The following SUPT3H variants were observed in gnomAD, a reference collection of about 807,000 sequenced individuals.
The protein encoded by SUPT3H is SPT3 homolog, SAGA and STAGA complex component.
SUPT3H carries 44 observed loss-of-function variants against 44.3 expected under a neutral mutation model. That is an observed-to-expected ratio of 0.99 (90% CI 0.78 to 1.28). SUPT3H has a LOEUF of 1.28. Ranked by LOEUF, SUPT3H falls within the 50% of genes most tolerant of loss-of-function variation. The pLI, the probability that SUPT3H is intolerant of heterozygous loss-of-function variation, is 0.00. For missense variants in SUPT3H, 380 were observed against 387.1 expected, an observed-to-expected ratio of 0.98 and a Z score of 0.15; for synonymous variants, 124 against 125.6, an observed-to-expected ratio of 0.99 and a Z score of 0.09.
chr6:45,269,572 T>C (rs1775789988), intron 2 of SUPT3H, among the ~76,000 whole-genome samples: 3 of 152,206 alleles, frequency 2.0e-5, no homozygotes, highest in Admixed American at 2.0e-4. Flanking sequence ...GACATTTGAA[T>C]GGTTAGGAAA....
At chr6:45,193,335 A>G (rs1223912824) in intron 2 of SUPT3H, among the ~76,000 whole-genome samples, 1 of 152,210 alleles carries the variant, frequency 6.6e-6, no homozygotes, top group African/African-American at 2.4e-5. Flanking sequence ...TTTAAAATTT[A>G]GTTCCAAATT....
At chr6:45,156,495 T>C (rs1807834664) in intron 2 of SUPT3H, among the ~76,000 whole-genome samples, 1 of 151,960 alleles carries the variant, frequency 6.6e-6, no homozygotes, top group Non-Finnish European at 1.5e-5. Flanking sequence ...TTCAAAATGC[T>C]AGCTCCCTTT....
chr6:44,839,927 C>G (rs963205378), intron 10 of SUPT3H, among the ~76,000 whole-genome samples: 2 of 148,928 alleles, frequency 1.3e-5, no homozygotes, highest in East Asian at 2.5e-4. Flanking sequence ...GTCTCGATCT[C>G]CTGACCTCGT....
At chr6:44,947,649 A>T (rs1773572907) in intron 9 of SUPT3H, among the ~76,000 whole-genome samples, 1 of 152,204 alleles carries the variant, frequency 6.6e-6, no homozygotes, top group African/African-American at 2.4e-5. Context: ...AAGCTTAAAA[A>T]ATAACAGAGT....
intron 2 of SUPT3H, among the ~76,000 whole-genome samples, chr6:45,140,895 T>C (rs1397182534): frequency 2.6e-5 from 4 of 152,134 alleles, no homozygotes; most frequent in African/African-American, 9.7e-5. Flanking sequence ...GACAAAAGAA[T>C]GTGAACAGCA....
At chr6:44,986,375 C>T (rs1779796763) in intron 6 of SUPT3H, among the ~76,000 whole-genome samples, 1 of 152,106 alleles carries the variant, frequency 6.6e-6, no homozygotes, top group Non-Finnish European at 1.5e-5. Context: ...GAAAGGAATA[C>T]ATCAGATAAT....
intron 2 of SUPT3H, among the ~76,000 whole-genome samples, chr6:45,255,938 G>T (rs1296683100): frequency 2.6e-5 from 4 of 152,178 alleles, no homozygotes; most frequent in Non-Finnish European, 5.9e-5. Flanking sequence ...TTGGGAGGCC[G>T]AGGCGGGAAG....
At chr6:44,985,723 T>C (rs1779703086) in intron 6 of SUPT3H, among the ~76,000 whole-genome samples, 1 of 152,142 alleles carries the variant, frequency 6.6e-6, no homozygotes, top group Non-Finnish European at 1.5e-5. Flanking sequence ...CTCAACTTCT[T>C]AGCATCTCTC....
rs1026009605 is a variant in SUPT3H at position 44,829,243 on chromosome 6, CATACT to C, written c.*568_*572del. On this transcript the variant is annotated 3_prime_UTR_variant, in exon 11 of 11. Transcript: ENST00000371459. The stretch of plus-strand genomic sequence containing the variant: ...TGGGAAGCAGGCATTGAAAATGACA[CATACT>C]ATAAGTGGAGTGAAGGGGAAAGGAG... 1 of 152,200 alleles carries C rather than the reference CATACT, an allele frequency of 6.6e-6. No individual in the cohort carries two copies. The highest frequency in any genetic ancestry group is 6.6e-5 in the Admixed American group (1 of 15,266). The allele number at this position is 152,200 out of a possible 1,614,324, so 9.4% of individuals were successfully genotyped here.
rs141039204 is a variant in SUPT3H at position 44,919,964 on chromosome 6, C to T, written c.912+12689G>A. 1.1e-3 allele frequency among the ~76,000 whole-genome samples: 171 copies of T among 152,164 alleles called. 2 individuals are homozygous for T. The Middle Eastern group carries it at 0.02, about 18-fold the overall frequency. Reference sequence around the variant, plus strand: ...CGTGATCTCAGCTCACCACGACCTCCGCCTCCCAGGTTCAGGCGATTCTCC... The same window carrying T: ...CGTGATCTCAGCTCACCACGACCTCTGCCTCCCAGGTTCAGGCGATTCTCC... On this transcript the variant is annotated intron_variant, in intron 10 of 10. Coordinates refer to ENST00000371459, the MANE Select transcript of SUPT3H (RefSeq NM_003599.4).
rs1478088950 is a variant in SUPT3H, at chr6:45,305,450, T to C, written c.101+59751A>G. On this transcript the variant is annotated intron_variant, in intron 2 of 10. Coordinates refer to ENST00000371459, the MANE Select transcript of SUPT3H (RefSeq NM_003599.4). Reference sequence around the variant, plus strand: ...CTACATAAATTCAGCTAGATTATTCTAATAACATTTGACAAAATGTTCCTT... The same window carrying C: ...CTACATAAATTCAGCTAGATTATTCCAATAACATTTGACAAAATGTTCCTT... 5.3e-5 allele frequency among the ~76,000 whole-genome samples: 8 copies of C among 152,368 alleles called. No individual in the cohort carries two copies. The South Asian group carries it at 1.2e-3, about 24-fold the overall frequency.
chr6:45,176,069 G>T (rs1445963578), intron 2 of SUPT3H, among the ~76,000 whole-genome samples: 3 of 152,074 alleles, frequency 2.0e-5, no homozygotes, highest in Non-Finnish European at 4.4e-5. Context: ...TTGGGGGGAG[G>T]AGCCAAGATG....
chr6:45,051,832 T>A (rs921733948), intron 3 of SUPT3H, among the ~76,000 whole-genome samples: 2 of 152,146 alleles, frequency 1.3e-5, no homozygotes, highest in African/African-American at 4.8e-5. Context: ...GAGGTGGTGA[T>A]TGGAGAGTAG....
Position 45,365,292 on chromosome 6 carries a change from T to C in SUPT3H, c.10A>G (p.Thr4Ala), listed in dbSNP as rs1241791203. Residue 4 changes from threonine (T) to alanine (A), a missense_variant, in exon 2 of 11, where the codon ACG becomes GCG. Transcript: ENST00000371459. MNN[T>A]AASPMSTATS... is the part of the protein sequence containing the mutation. ...GCAGTAGACATTGGACTAGCTGCCGTATTATTCATCTAAATAAAAAGGAGA... is the reference window on the plus strand; with the variant it reads ...GCAGTAGACATTGGACTAGCTGCCGCATTATTCATCTAAATAAAAAGGAGA... 2 of 1,608,188 alleles carry C rather than the reference T, an allele frequency of 1.2e-6. No homozygotes were observed. Among genetic ancestry groups the C allele is most frequent in the Non-Finnish European group, 8.5e-7 (1 of 1,175,802 alleles).
At chr6:45,207,842 C>A (rs1763432209) in intron 2 of SUPT3H, among the ~76,000 whole-genome samples, 1 of 152,158 alleles carries the variant, frequency 6.6e-6, no homozygotes, top group African/African-American at 2.4e-5. Context: ...TCTCCTGGAG[C>A]CTACCTATTC....
At chr6:44,975,630 A>T (rs1407146603) in intron 6 of SUPT3H, among the ~76,000 whole-genome samples, 1 of 78,186 alleles carries the variant, frequency 1.3e-5, no homozygotes, top group Admixed American at 1.6e-4. Context: ...GGTACAGTGT[A>T]CACTGCTCGG....
intron 6 of SUPT3H, among the ~76,000 whole-genome samples, chr6:44,963,567 G>A (rs549175419): frequency 7.7e-4 from 117 of 152,228 alleles, no homozygotes; most frequent in Non-Finnish European, 1.3e-3. Context: ...TATTTACTTG[G>A]AAGTATTTTT....
At chr6:44,921,948 T>G (rs898833807) in intron 10 of SUPT3H, among the ~76,000 whole-genome samples, 7 of 152,214 alleles carry the variant, frequency 4.6e-5, no homozygotes, top group African/African-American at 1.7e-4. Context: ...CTGGGCTCTG[T>G]CCTCATGACC....
chr6:45,113,749 G>C (rs1800414443), intron 2 of SUPT3H, among the ~76,000 whole-genome samples: 1 of 150,852 alleles, frequency 6.6e-6, no homozygotes, highest in African/African-American at 2.4e-5. Flanking sequence ...AGAGTCGCCT[G>C]AGCCTGGGAG....
Sources: allele counts gnomAD v4.1 joint callset (sites outside exome capture counted in the v4.1 genomes callset), GRCh38; gene constraint gnomAD v4.1.1; transcripts MANE v1.5; gene names NCBI Gene and HGNC (gene_info 2026-07-23, HGNC 2026-07-21).